THSD7B: variants seen among roughly 807,000 people sequenced by gnomAD.
The protein encoded by THSD7B is thrombospondin type 1 domain containing 7B, also known as thrombospondin type-1 domain-containing protein 7B.
Under a neutral mutation model 213.6 loss-of-function variants are expected in THSD7B, and 138 were observed. The ratio of observed to expected loss-of-function variants is 0.65; its 90% confidence interval spans 0.56 to 0.74. THSD7B has a LOEUF of 0.74. Among genes scored for constraint, THSD7B ranks in the 30% least tolerant of loss-of-function variants. The probability of loss-of-function intolerance (pLI) is 0.00; values close to 1 mark genes in which losing one functional copy is unlikely to be tolerated. For missense variants in THSD7B, 1,931 were observed against 1,991.5 expected (o/e 0.97, Z 0.58); for synonymous variants, 742 against 687.0 (o/e 1.08, Z -1.25).
At chr2:137,620,824 C>G in intron 20 of THSD7B, 98 bp downstream of exon 20, 1 of 996,862 alleles carries the variant, frequency 1.0e-6, no homozygotes, top group Non-Finnish European at 1.5e-6. Context: ...TGGGACCCAG[C>G]TGAAGTCAAT....
chr2:137,676,421 T>C, intron 27 of THSD7B, 103 bp from the exon 28 acceptor site: 3 of 1,046,056 alleles, frequency 2.9e-6, no homozygotes, highest in Middle Eastern at 4.1e-4. Flanking sequence ...TGAATCTTTT[T>C]GTCATTTTAC....
chr2:137,151,322 T>G (rs1429161812), intron 5 of THSD7B, among the ~76,000 whole-genome samples: 1 of 152,166 alleles, frequency 6.6e-6, no homozygotes. Context: ...TTTTATTTTT[T>G]GTTTTATACT....
intron 3 of THSD7B, among the ~76,000 whole-genome samples, chr2:137,076,830 C>CT (rs913434870): frequency 5.9e-5 from 9 of 151,660 alleles, no homozygotes; most frequent in South Asian, 2.1e-4. Flanking sequence ...TTTTTTTAAT[C>CT]TTTTTTTATT....
At position 137,616,276 on chromosome 2, in the gene THSD7B, C is replaced by T. The variant is rs1682385067; in HGVS notation, c.3525C>T (p.Leu1175=). Reference sequence around the variant, plus strand: ...AAGACTCACAGGTGCAGCCTTGCCTCCTGAATGAAAATTGCTTCCAGTTCC... The same window carrying T: ...AAGACTCACAGGTGCAGCCTTGCCTTCTGAATGAAAATTGCTTCCAGTTCC... ...CAEDSQVQPC[L]LNENCFQFQY... is the part of the protein sequence containing the mutation. Residue 1175 remains leucine (L), a synonymous_variant, in exon 18 of 28, where the codon CTC becomes CTT. Transcript: ENST00000409968. 16 of 1,613,698 alleles carry T rather than the reference C, an allele frequency of 9.9e-6. No individual in the cohort carries two copies. Among genetic ancestry groups the T allele is most frequent in the Non-Finnish European group, 1.4e-5 (16 of 1,179,718 alleles).
chr2:137,598,511 T>C (rs115401597), intron 17 of THSD7B, among the ~76,000 whole-genome samples: 2,270 of 152,300 alleles, frequency 0.015, 55 homozygotes, highest in African/African-American at 0.051. Flanking sequence ...TACACTGGCT[T>C]GTACAGTAAG....
chr2:137,156,246 G>A (rs777162845), intron 5 of THSD7B: 1 of 152,154 alleles, frequency 6.6e-6, no homozygotes, highest in African/African-American at 2.4e-5. Context: ...TTAGCCTGGG[G>A]TGGGCTTAGT....
chr2:136,785,890 GT>G (rs1681835682), intron 1 of THSD7B, among the ~76,000 whole-genome samples: 1 of 152,164 alleles, frequency 6.6e-6, no homozygotes, highest in Non-Finnish European at 1.5e-5. Context: ...AAGATTAAAT[GT>G]AGTAGATTAA....
chr2:137,445,623 A>G (rs1488459854), intron 14 of THSD7B, among the ~76,000 whole-genome samples: 2 of 151,896 alleles, frequency 1.3e-5, no homozygotes, highest in African/African-American at 2.4e-5. Flanking sequence ...GGTAGTAGGG[A>G]GGGAAGAGGA....
rs548640544 is a variant in THSD7B, at chr2:137,214,589, C to A, written c.1724-16455C>A. ...TAATGCTATCCCTCCCCTAGCCCCC[C>A]ACCCCCTGACAGGCCCCGGTGTGTG... On this transcript the variant is annotated intron_variant, in intron 7 of 27. Coordinates refer to ENST00000409968, the MANE Select transcript of THSD7B (RefSeq NM_001316349.2). 4.3e-4 allele frequency among the ~76,000 whole-genome samples: 66 copies of A among 151,942 alleles called. 1 individual carries two copies. Among genetic ancestry groups the A allele is most frequent in the Admixed American group, 6.6e-4 (10 of 15,260 alleles).
intron 1 of THSD7B, among the ~76,000 whole-genome samples, chr2:136,784,595 T>G (rs1343603366): frequency 6.6e-6 from 1 of 152,200 alleles, no homozygotes; most frequent in Non-Finnish European, 1.5e-5. Context: ...GAAATTCAAT[T>G]TTAATAAATG....
At chr2:137,318,213 T>C (rs543919490) in intron 12 of THSD7B, among the ~76,000 whole-genome samples, 1 of 152,344 alleles carries the variant, frequency 6.6e-6, no homozygotes, top group African/African-American at 2.4e-5. Context: ...TCATCAGGGC[T>C]TGGGTTTTCT....
intron 15 of THSD7B, among the ~76,000 whole-genome samples, chr2:137,537,489 A>G (rs1680528992): frequency 6.6e-6 from 1 of 151,734 alleles, no homozygotes; most frequent in Admixed American, 6.6e-5. Flanking sequence ...GAATGCCTGT[A>G]GGCTCAATGA....
At chr2:137,327,680 ATAGTTT>A (rs1471000546) in intron 12 of THSD7B, among the ~76,000 whole-genome samples, 1 of 152,194 alleles carries the variant, frequency 6.6e-6, no homozygotes, top group Non-Finnish European at 1.5e-5. Context: ...TTTATGGTAC[ATAGTTT>A]TAGGTAGCTC....
intron 1 of THSD7B, among the ~76,000 whole-genome samples, chr2:136,798,144 C>T (rs943617863): frequency 1.4e-4 from 22 of 151,822 alleles, no homozygotes; most frequent in African/African-American, 4.8e-4. Flanking sequence ...AAAATTATAC[C>T]TTTTATTCAA....
chr2:136,813,634 A>G (rs1558813646), intron 1 of THSD7B, among the ~76,000 whole-genome samples: 1 of 139,112 alleles, frequency 7.2e-6, no homozygotes, highest in Non-Finnish European at 1.7e-5. Flanking sequence ...TTCACGTGCT[A>G]TTCTATCATT....
chr2:136,872,583 TTTTCTTTC>T (rs151335324), intron 1 of THSD7B, among the ~76,000 whole-genome samples: 32 of 150,928 alleles, frequency 2.1e-4, no homozygotes, highest in Non-Finnish European at 1.0e-4. Flanking sequence ...TTCTCTTTCT[TTTTCTTTC>T]TTTCTTTCTT....
intron 1 of THSD7B, among the ~76,000 whole-genome samples, chr2:136,854,579 C>G (rs1372200699): frequency 1.3e-5 from 2 of 151,886 alleles, no homozygotes; most frequent in Admixed American, 1.3e-4. Context: ...ACAGCACTAA[C>G]TGTCCTCCAT....
intron 7 of THSD7B, among the ~76,000 whole-genome samples, chr2:137,189,738 G>T (rs998694998): frequency 9.2e-5 from 14 of 151,996 alleles, no homozygotes; most frequent in African/African-American, 3.4e-4. Flanking sequence ...TTTGCCAAGG[G>T]TATTTCTGAC....
intron 12 of THSD7B, among the ~76,000 whole-genome samples, chr2:137,284,791 A>G (rs1401499955): frequency 1.3e-5 from 2 of 152,194 alleles, no homozygotes; most frequent in Non-Finnish European, 2.9e-5. Context: ...CTGTTCTTTT[A>G]CATTTGCTGA....
Sources: gnomAD v4.1 joint callset for allele counts (sites outside exome capture counted in the v4.1 genomes callset) on GRCh38, gnomAD v4.1.1 for gene constraint, MANE v1.5 for transcripts, NCBI Gene and HGNC (gene_info 2026-07-23, HGNC 2026-07-21) for gene names.